Variants in URI1 observed in about 807,000 individuals in gnomAD.
The protein encoded by URI1 is URI1 prefoldin like chaperone.
In URI1, 39 loss-of-function variants were observed where a neutral mutation model predicts 60.2. That is an observed-to-expected ratio of 0.65 (90% CI 0.50 to 0.85). The LOEUF is 0.85. Ranked by LOEUF, URI1 falls within the 40% of genes least tolerant of loss-of-function variation. URI1 has a pLI of 0.00. For missense variants in URI1, 691 were observed against 665.9 expected (o/e 1.04, Z -0.42); for synonymous variants, 251 against 236.8 (o/e 1.06, Z -0.55).
chr19:29,976,862 G>A (rs2145343592), intron 2 of URI1, among the ~76,000 whole-genome samples: 1 of 152,296 alleles, frequency 6.6e-6, no homozygotes, highest in Admixed American at 6.5e-5. Context: ...TATAGAAGAA[G>A]ATACTTTGTT....
intron 1 of URI1, among the ~76,000 whole-genome samples, chr19:29,961,098 C>T (rs975437004): frequency 3.9e-5 from 6 of 151,976 alleles, no homozygotes; most frequent in African/African-American, 9.7e-5. Context: ...TGGCCTCAAG[C>T]GGTCGTCCTG....
At chr19:29,953,559 T>A (rs1359273543) in intron 1 of URI1, among the ~76,000 whole-genome samples, 1 of 152,222 alleles carries the variant, frequency 6.6e-6, no homozygotes, top group African/African-American at 2.4e-5. Context: ...TCTGTTATCA[T>A]TTATACTGTC....
chr19:29,934,456 C>G (rs1362572725), intron 1 of URI1, among the ~76,000 whole-genome samples: 1 of 152,222 alleles, frequency 6.6e-6, no homozygotes, highest in Admixed American at 6.5e-5. Context: ...TCAGGCCTCA[C>G]CCCTTGGCTT....
chr19:29,932,958 C>T (rs58825187), intron 1 of URI1, among the ~76,000 whole-genome samples: 2,414 of 152,188 alleles, frequency 0.016, 77 homozygotes, highest in African/African-American at 0.055. Flanking sequence ...CGGACTACAT[C>T]GATTTATTTT....
At chr19:29,970,024 A>G (rs765068529) in intron 1 of URI1, among the ~76,000 whole-genome samples, 2 of 151,696 alleles carry the variant, frequency 1.3e-5, no homozygotes, top group Non-Finnish European at 2.9e-5. Flanking sequence ...TTGGTACAGA[A>G]TTTCTGTCTT....
At chr19:30,009,954 A>G (rs1235379555) in intron 8 of URI1, among the ~76,000 whole-genome samples, 5 of 152,154 alleles carry the variant, frequency 3.3e-5, no homozygotes. Flanking sequence ...TGTTCCCTCC[A>G]TACTTACTGT....
At chr19:30,003,615 CGT>C in intron 4 of URI1, among the ~76,000 whole-genome samples, 2 of 152,126 alleles carry the variant, frequency 1.3e-5, no homozygotes, top group East Asian at 3.9e-4. Flanking sequence ...TTCTTACATG[CGT>C]GAGTTATGAT....
chr19:29,978,511 A>G (rs1355995130), intron 2 of URI1, among the ~76,000 whole-genome samples: 2 of 151,976 alleles, frequency 1.3e-5, no homozygotes, highest in Non-Finnish European at 2.9e-5. Flanking sequence ...TTTTTTATGA[A>G]GAGTAACATC....
chr19:29,924,631 A>G (rs759008795), intron 1 of URI1, among the ~76,000 whole-genome samples: 4 of 152,098 alleles, frequency 2.6e-5, no homozygotes, highest in Admixed American at 6.5e-5. Flanking sequence ...AGCTCAGCCA[A>G]TCAGAGGCTG....
intron 1 of URI1, among the ~76,000 whole-genome samples, chr19:29,963,816 C>G (rs181819875): frequency 6.6e-6 from 1 of 152,172 alleles, no homozygotes; most frequent in African/African-American, 2.4e-5. Context: ...TTTTAGTAAG[C>G]CATCTGCTGC....
chr19:29,973,068 CATT>C (rs552377261), intron 2 of URI1, among the ~76,000 whole-genome samples: 53 of 152,166 alleles, frequency 3.5e-4, no homozygotes, highest in African/African-American at 1.2e-3. Flanking sequence ...TTAATCAATT[CATT>C]ATATCAAAAA....
At chr19:29,942,912 G>A (rs1263052549) in intron 1 of URI1, among the ~76,000 whole-genome samples, 1 of 152,206 alleles carries the variant, frequency 6.6e-6, no homozygotes, top group Non-Finnish European at 1.5e-5. Context: ...GCGGCAGCGC[G>A]TGGGAATTTG....
intron 6 of URI1, 52 bp from the exon 7 acceptor site, chr19:30,007,418 G>A: frequency 6.3e-7 from 1 of 1,585,256 alleles, no homozygotes. Flanking sequence ...CTGGGTTTGT[G>A]CCTTTTTTAT....
chr19:29,943,698 C>T (rs942658329), intron 1 of URI1, among the ~76,000 whole-genome samples: 3 of 151,952 alleles, frequency 2.0e-5, no homozygotes, highest in African/African-American at 7.3e-5. Flanking sequence ...TGCTTGGAAA[C>T]CACCTGTTGG....
At chr19:30,000,699 G>C (rs2055867662) in intron 4 of URI1, among the ~76,000 whole-genome samples, 1 of 151,582 alleles carries the variant, frequency 6.6e-6, no homozygotes, top group South Asian at 2.1e-4. Context: ...ATTCCTTTTT[G>C]GTCCTTATTC....
At chr19:29,930,254 T>C (rs560610907) in intron 1 of URI1, among the ~76,000 whole-genome samples, 2 of 152,142 alleles carry the variant, frequency 1.3e-5, no homozygotes, top group Non-Finnish European at 2.9e-5. Flanking sequence ...TGTCCTTTGA[T>C]GCATAAAAGT....
At chr19:29,956,635 C>T in intron 1 of URI1, 2 of 1,513,254 alleles carry the variant, frequency 1.3e-6, no homozygotes, top group East Asian at 2.3e-5. Context: ...GTATTTTTCA[C>T]CCAAGAAATT....
chr19:30,012,512 C>G lies in URI1; in HGVS notation c.1406C>G (p.Pro469Arg). Residue 469 changes from proline to arginine, a missense_variant, in exon 10 of 11, where the codon CCC becomes CGC. Transcript: ENST00000392271. ...CAAGAAAATCAAAAGAAACTTTTGCCCTTATCAGTAACACCTGAGGTGTGT... is the reference window on the plus strand; with the variant it reads ...CAAGAAAATCAAAAGAAACTTTTGCGCTTATCAGTAACACCTGAGGTGTGT... ...EPQENQKKLL[P>R]LSVTPEAFSG... is the part of the protein sequence containing the mutation. 1 of 1,614,058 alleles carries G rather than the reference C, an allele frequency of 6.2e-7. No individual in the cohort carries two copies. Among genetic ancestry groups the G allele is most frequent in the Non-Finnish European group, 8.5e-7 (1 of 1,179,988 alleles).
At chr19:30,010,167 G>A (rs924803777) in intron 8 of URI1, among the ~76,000 whole-genome samples, 9 of 152,070 alleles carry the variant, frequency 5.9e-5, no homozygotes, top group Non-Finnish European at 8.8e-5. Context: ...GAACTCTTTC[G>A]CCTCTGAGTG....
Sources: allele counts gnomAD v4.1 joint callset (sites outside exome capture counted in the v4.1 genomes callset), GRCh38; gene constraint gnomAD v4.1.1; transcripts MANE v1.5; gene names NCBI Gene and HGNC (gene_info 2026-07-23, HGNC 2026-07-21).